The following RARB variants were observed in gnomAD, a reference collection of about 807,000 sequenced individuals.
RARB encodes the protein retinoic acid receptor beta.
A neutral mutation model predicts 51.9 loss-of-function variants in RARB; 17 were observed. The observed-to-expected ratio is 0.33, with a 90% CI of 0.22 to 0.49. RARB has a LOEUF of 0.49. RARB is among the 20% of genes least tolerant of loss of function. The pLI, the probability that RARB is intolerant of heterozygous loss-of-function variation, is 0.99. For missense variants in RARB, 369 were observed against 550.8 expected (o/e 0.67, Z 3.30); for synonymous variants, 215 against 195.4 (o/e 1.10, Z -0.84).
At chr3:25,505,824 G>A (rs1371184337) in intron 3 of RARB, among the ~76,000 whole-genome samples, 1 of 151,780 alleles carries the variant, frequency 6.6e-6, no homozygotes, top group East Asian at 1.9e-4. Flanking sequence ...AGGAAAGCAT[G>A]TGGCAAAGCC....
chr3:25,211,507 C>G (rs1414519606), intron 5 of RARB, among the ~76,000 whole-genome samples: 2 of 152,120 alleles, frequency 1.3e-5, no homozygotes, highest in African/African-American at 2.4e-5. Context: ...TAATAAAGAT[C>G]AATAACACCA....
chr3:25,472,337 A>G (rs1695738333), intron 2 of RARB, among the ~76,000 whole-genome samples: 1 of 152,166 alleles, frequency 6.6e-6, no homozygotes, highest in Admixed American at 6.6e-5. Context: ...CTGCTTCTTA[A>G]AAGCCCCGGC....
At chr3:25,019,990 C>T (rs1697593918) in intron 2 of RARB, among the ~76,000 whole-genome samples, 1 of 151,966 alleles carries the variant, frequency 6.6e-6, no homozygotes, top group South Asian at 2.1e-4. Flanking sequence ...TCACTGGTGA[C>T]CTCTTCCAAC....
chr3:25,244,488 T>C (rs949289829), intron 5 of RARB, among the ~76,000 whole-genome samples: 1 of 152,200 alleles, frequency 6.6e-6, no homozygotes, highest in Non-Finnish European at 1.5e-5. Context: ...TTTAGCTGTG[T>C]CTAAGAGATT....
intron 2 of RARB, among the ~76,000 whole-genome samples, chr3:24,892,496 G>A (rs751085246): frequency 2.0e-5 from 3 of 152,170 alleles, no homozygotes; most frequent in Non-Finnish European, 4.4e-5. Context: ...ACTTAGCACT[G>A]CATTAAATTT....
intron 5 of RARB, among the ~76,000 whole-genome samples, chr3:25,198,049 C>T (rs1356361278): frequency 6.6e-6 from 1 of 151,676 alleles, no homozygotes; most frequent in East Asian, 1.9e-4. Context: ...GTAACCAAAA[C>T]AGCATGGTAC....
Position 25,456,554 on chromosome 3 carries a change from A to ATTTTTT in RARB, c.158-4619_158-4614dup, listed in dbSNP as rs35056259. On this transcript the variant is annotated intron_variant, in intron 1 of 7. Coordinates refer to ENST00000330688, the MANE Select transcript of RARB (RefSeq NM_000965.5). ...GGTGATCTGACAGACTATACCACTGATTTTTTTTTTTTTTTTTTTTTTTTT... is the reference window on the plus strand; with the variant it reads ...GGTGATCTGACAGACTATACCACTGATTTTTTTTTTTTTTTTTTTTTTTTTTTTTTT... Among the ~76,000 whole-genome samples the ATTTTTT allele has an allele frequency of 5.9e-4, 26 of 44,122 alleles. 1 individual carries two copies. Among genetic ancestry groups the ATTTTTT allele is most frequent in the Admixed American group, 1.5e-3 (5 of 3,334 alleles). 28.9% of individuals were successfully genotyped at this position (44,122 alleles called of 152,430 possible). A position where few individuals can be genotyped will look rare whatever the true frequency, so the allele number is the denominator to read the frequency against.
At chr3:24,976,654 A>G (rs2125421887) in intron 2 of RARB, among the ~76,000 whole-genome samples, 1 of 152,198 alleles carries the variant, frequency 6.6e-6, no homozygotes, top group South Asian at 2.1e-4. Flanking sequence ...TAGATTCTGC[A>G]TATTAGCCCT....
intron 5 of RARB, among the ~76,000 whole-genome samples, chr3:25,289,708 A>G (rs1019445024): frequency 2.0e-5 from 3 of 152,088 alleles, no homozygotes; most frequent in South Asian, 2.1e-4. Flanking sequence ...AAATGTTTAT[A>G]GCATAATAAA....
At chr3:25,166,710 A>C (rs907293189) in intron 4 of RARB, among the ~76,000 whole-genome samples, 1 of 152,162 alleles carries the variant, frequency 6.6e-6, no homozygotes, top group Non-Finnish European at 1.5e-5. Flanking sequence ...TGTTGCTTGG[A>C]TCACTCTTGA....
At chr3:25,078,790 C>G (rs1456773752) in intron 3 of RARB, among the ~76,000 whole-genome samples, 1 of 152,180 alleles carries the variant, frequency 6.6e-6, no homozygotes, top group Non-Finnish European at 1.5e-5. Flanking sequence ...CTTGGCCTCC[C>G]AGAGTGCTGG....
chr3:24,917,682 C>T (rs1393256422), intron 2 of RARB, among the ~76,000 whole-genome samples: 1 of 152,188 alleles, frequency 6.6e-6, no homozygotes, highest in East Asian at 1.9e-4. Context: ...AGGCGTGTGC[C>T]ATGCCTGCTA....
In RARB at chr3:25,594,120, T is replaced by G. The variant is rs373071827; in HGVS notation, c.992-400T>G. Among the ~76,000 whole-genome samples the G allele has an allele frequency of 9.2e-5, 14 of 152,326 alleles. No individual in the cohort carries two copies. In the East Asian group the frequency reaches 1.7e-3, roughly 19 times the overall value. On this transcript the variant is annotated intron_variant, in intron 6 of 7. Coordinates refer to ENST00000330688, the MANE Select transcript of RARB (RefSeq NM_000965.5). ...GGACTGGGATAAAATTTAGCTTTCT[T>G]CTTTGTAGTGACCCCTACTGGCCTA...
At chr3:25,020,266 T>G (rs1341006854) in intron 2 of RARB, 2 of 152,002 alleles carry the variant, frequency 1.3e-5, no homozygotes, top group African/African-American at 4.8e-5. Flanking sequence ...AGGCTCTGTT[T>G]CTGACCTGGG....
rs180924273 is a variant in RARB at position 25,182,386 on chromosome 3, C to A, written c.178+7811C>A. Among the ~76,000 whole-genome samples, 357 of 152,286 alleles carry A rather than the reference C, an allele frequency of 2.3e-3. 3 individuals are homozygous for A. The highest frequency in any genetic ancestry group is 7.9e-3 in the African/African-American group (329 of 41,558). ...GCATGGTGCTGGGAACAGCGATATG[C>A]AGAAGACCCAGGGAAAGCAGGAAAG... On this transcript the variant is annotated intron_variant, in intron 5 of 11. Coordinates refer to the RARB transcript ENST00000383772.
rs545781928 is a variant in RARB, at chr3:25,119,431, G to A, written c.-327-12730G>A. Reference sequence around the variant, plus strand: ...TGAAGTAGTAGTGTATGCTCCATGGGTGTATTGTGAGGATTAAGCAAAGTA... The same window carrying A: ...TGAAGTAGTAGTGTATGCTCCATGGATGTATTGTGAGGATTAAGCAAAGTA... On this transcript the variant is annotated intron_variant, in intron 3 of 11. Coordinates refer to the RARB transcript ENST00000383772. Among the ~76,000 whole-genome samples, 14 of 152,236 alleles carry A rather than the reference G, an allele frequency of 9.2e-5. 1 individual carries two copies. In the South Asian group the frequency reaches 2.7e-3, roughly 29 times the overall value.
chr3:25,258,206 A>G (rs1286947753), intron 5 of RARB, among the ~76,000 whole-genome samples: 2 of 152,070 alleles, frequency 1.3e-5, no homozygotes, highest in African/African-American at 4.8e-5. Flanking sequence ...CAGTAATTCC[A>G]TGTTTCTATG....
At chr3:25,306,304 G>C (rs1269654528) in intron 5 of RARB, among the ~76,000 whole-genome samples, 2 of 152,146 alleles carry the variant, frequency 1.3e-5, no homozygotes, top group Non-Finnish European at 2.9e-5. Flanking sequence ...GGACTTGTCA[G>C]CACCTCGGTT....
chr3:25,137,555 C>A (rs1244796003), intron 4 of RARB, among the ~76,000 whole-genome samples: 1 of 152,026 alleles, frequency 6.6e-6, no homozygotes, highest in East Asian at 1.9e-4. Context: ...AGAAAATTTT[C>A]TTATTTTCCA....
Sources: allele counts gnomAD v4.1 joint callset (sites outside exome capture counted in the v4.1 genomes callset), GRCh38; gene constraint gnomAD v4.1.1; transcripts MANE v1.5; gene names NCBI Gene and HGNC (gene_info 2026-07-23, HGNC 2026-07-21).